Variants in ANKS1B observed in about 807,000 individuals in gnomAD.
ANKS1B encodes ankyrin repeat and sterile alpha motif domain-containing protein 1B.
Under a neutral mutation model 148.3 loss-of-function variants are expected in ANKS1B, and 36 were observed. That is an observed-to-expected ratio of 0.24 (90% CI 0.19 to 0.32). The LOEUF is 0.32. Among genes scored for constraint, ANKS1B ranks in the 10% least tolerant of loss-of-function variants. The pLI is 1.00. For synonymous variants in ANKS1B, 542 were observed against 560.8 expected, an observed-to-expected ratio of 0.97 and a Z score of 0.47; for missense variants, 1,157 against 1,542.6, an observed-to-expected ratio of 0.75 and a Z score of 4.19.
At chr12:98,796,238 G>A (rs1328454388) in intron 22 of ANKS1B, among the ~76,000 whole-genome samples, 1 of 152,178 alleles carries the variant, frequency 6.6e-6, no homozygotes, top group Non-Finnish European at 1.5e-5. Context: ...TTATTACTGG[G>A]AGAGACATTT....
chr12:99,631,567 T>C (rs142510375), intron 9 of ANKS1B, among the ~76,000 whole-genome samples: 121 of 152,222 alleles, frequency 7.9e-4, no homozygotes, highest in Non-Finnish European at 1.3e-3. Context: ...GTTTCAAATG[T>C]AACTGAGGAA....
At chr12:99,125,294 A>G (rs1005643278) in intron 15 of ANKS1B, among the ~76,000 whole-genome samples, 1 of 152,228 alleles carries the variant, frequency 6.6e-6, no homozygotes, top group Non-Finnish European at 1.5e-5. Context: ...ACAGCTAAGT[A>G]CTAGGAACAC....
intron 9 of ANKS1B, among the ~76,000 whole-genome samples, chr12:99,563,480 G>C (rs1482737394): frequency 6.6e-6 from 1 of 152,122 alleles, no homozygotes; most frequent in Admixed American, 6.6e-5. Flanking sequence ...AGAAATAGGG[G>C]AATAGCTAGT....
chr12:99,333,267 A>G (rs910604495), intron 12 of ANKS1B, among the ~76,000 whole-genome samples: 4 of 152,094 alleles, frequency 2.6e-5, no homozygotes, highest in African/African-American at 9.7e-5. Context: ...GGAAGAGACT[A>G]AAGACAGAAG....
At chr12:98,781,541 A>C (rs551675119) in intron 23 of ANKS1B, 2 of 430,158 alleles carry the variant, frequency 4.6e-6, no homozygotes, top group Non-Finnish European at 9.1e-6. Flanking sequence ...TCCTACTGCA[A>C]TTTCAAGTGA....
intron 17 of ANKS1B, among the ~76,000 whole-genome samples, chr12:98,834,049 T>C (rs1291109216): frequency 6.6e-6 from 1 of 152,206 alleles, no homozygotes; most frequent in African/African-American, 2.4e-5. Context: ...CTACGCCCTA[T>C]TCCTTTGACA....
At chr12:99,205,176 A>G (rs1221040514) in intron 14 of ANKS1B, among the ~76,000 whole-genome samples, 1 of 152,202 alleles carries the variant, frequency 6.6e-6, no homozygotes, top group Non-Finnish European at 1.5e-5. Flanking sequence ...GTGCGAGATG[A>G]TGGCCAAATC....
chr12:98,793,973 G>C (rs1187275947), intron 22 of ANKS1B, among the ~76,000 whole-genome samples: 1 of 152,160 alleles, frequency 6.6e-6, no homozygotes, highest in East Asian at 1.9e-4. Flanking sequence ...AAAACTGTAT[G>C]TCTTGGAATC....
chr12:99,616,326 TAGCC>T (rs1342240018), intron 9 of ANKS1B, among the ~76,000 whole-genome samples: 11 of 152,224 alleles, frequency 7.2e-5, no homozygotes, highest in African/African-American at 2.7e-4. Flanking sequence ...AGAGCCTGCG[TAGCC>T]AGGACAATCC....
intron 15 of ANKS1B, among the ~76,000 whole-genome samples, chr12:99,105,837 T>C (rs1468761599): frequency 6.6e-6 from 1 of 151,662 alleles, no homozygotes; most frequent in African/African-American, 2.4e-5. Flanking sequence ...TACCATATTA[T>C]GCAGTAGAGA....
chr12:99,653,691 T>C (rs1302136059), intron 9 of ANKS1B, among the ~76,000 whole-genome samples: 1 of 149,242 alleles, frequency 6.7e-6, no homozygotes, highest in Non-Finnish European at 1.5e-5. Context: ...TTTTTTTTTT[T>C]TTTTTTGAGA....
chr12:99,536,893 C>A (rs1456653602), intron 9 of ANKS1B, among the ~76,000 whole-genome samples: 1 of 152,146 alleles, frequency 6.6e-6, no homozygotes, highest in Non-Finnish European at 1.5e-5. Context: ...CCCTCCCCAC[C>A]TTAACCACAA....
intron 1 of ANKS1B, among the ~76,000 whole-genome samples, chr12:99,860,621 T>G (rs141939963): frequency 5.8e-4 from 88 of 152,258 alleles, no homozygotes; most frequent in Non-Finnish European, 1.1e-3. Context: ...AACAGTTAGG[T>G]GCATCCCTAA....
At chr12:99,872,176 G>A (rs954373282) in intron 1 of ANKS1B, among the ~76,000 whole-genome samples, 3 of 152,026 alleles carry the variant, frequency 2.0e-5, no homozygotes, top group African/African-American at 4.8e-5. Flanking sequence ...ATTTTTTACA[G>A]CCACTCTGGA....
intron 8 of ANKS1B, among the ~76,000 whole-genome samples, chr12:99,705,733 ATG>A (rs2055639734): frequency 6.6e-6 from 1 of 152,102 alleles, no homozygotes; most frequent in Non-Finnish European, 1.5e-5. Context: ...TCCCCAAATG[ATG>A]GAGAAGAATT....
intron 8 of ANKS1B, among the ~76,000 whole-genome samples, chr12:99,708,756 A>G (rs556627579): frequency 6.6e-6 from 1 of 152,150 alleles, no homozygotes; most frequent in Non-Finnish European, 1.5e-5. Context: ...AATTATTTCC[A>G]TATCTCAAAA....
chr12:98,800,217 G>GA (rs770133422), intron 21 of ANKS1B, among the ~76,000 whole-genome samples: 1,942 of 39,084 alleles, frequency 0.05, 21 homozygotes, highest in African/African-American at 0.069. Flanking sequence ...AGCAGAAAAT[G>GA]AAAAAAAAAA....
At chr12:98,768,677 T>G in intron 25 of ANKS1B, among the ~76,000 whole-genome samples, 1 of 142,146 alleles carries the variant, frequency 7.0e-6, no homozygotes, top group Non-Finnish European at 1.5e-5. Context: ...GAGCTTGCAG[T>G]GAGCAGAGAT....
chr12:99,063,578 G>A (rs769455784), intron 16 of ANKS1B, among the ~76,000 whole-genome samples: 6 of 152,172 alleles, frequency 3.9e-5, no homozygotes, highest in Non-Finnish European at 8.8e-5. Context: ...TGCTATCTAC[G>A]GCAGTGCAAC....
Sources: gnomAD v4.1 joint callset for allele counts (sites outside exome capture counted in the v4.1 genomes callset) on GRCh38, gnomAD v4.1.1 for gene constraint, MANE v1.5 for transcripts, NCBI Gene and HGNC (gene_info 2026-07-23, HGNC 2026-07-21) for gene names.